NUP210: variants seen among roughly 807,000 people sequenced by gnomAD.
The protein encoded by NUP210 is nuclear pore membrane glycoprotein 210.
In NUP210, 151 loss-of-function variants were observed where a neutral mutation model predicts 196.0. The ratio of observed to expected loss-of-function variants is 0.77; its 90% confidence interval spans 0.67 to 0.88. The LOEUF (loss-of-function observed/expected upper bound fraction) is 0.88. Among genes scored for constraint, NUP210 ranks in the 40% least tolerant of loss-of-function variants. NUP210 has a pLI of 0.00. For missense variants in NUP210, 2,314 were observed against 2,493.7 expected (o/e 0.93, Z 1.53); for synonymous variants, 1,070 against 1,052.7 (o/e 1.02, Z -0.32).
At chr3:13,344,693 G>A (rs1472045359) in intron 20 of NUP210, among the ~76,000 whole-genome samples, 1 of 152,108 alleles carries the variant, frequency 6.6e-6, no homozygotes, top group East Asian at 1.9e-4. Context: ...GCCTGGTATG[G>A]CCTGGCTCCT....
Position 13,325,862 on chromosome 3 carries a change from A to T in NUP210, c.4577T>A (p.Val1526Glu). Residue 1526 changes from valine to glutamate, a missense_variant, in exon 33 of 40, where the codon GTG (valine) becomes GAG (glutamate). By Grantham distance (121) the Val-to-Glu change is moderately radical. Transcript: ENST00000254508. The part of the protein sequence containing the change: ...LHIDPKTGVA[V>E]ARAVGSVTVY... ...CGTCACGGATCCCACGGCCCGGGCC[A>T]CAGCCACACCCGTCTTGGGGTCGAT... The T allele has an allele frequency of 6.2e-7, 1 of 1,613,252 alleles. No homozygotes were observed. Among genetic ancestry groups the T allele is most frequent in the Non-Finnish European group, 8.5e-7 (1 of 1,179,964 alleles).
chr3:13,340,288 G>C lies in NUP210; in HGVS notation c.3239C>G (p.Pro1080Arg). 1 of 1,613,376 alleles carries C rather than the reference G, an allele frequency of 6.2e-7. No homozygotes were observed. Among genetic ancestry groups the C allele is most frequent in the South Asian group, 1.1e-5 (1 of 91,082 alleles). Residue 1080 changes from proline to arginine, a missense_variant, in exon 24 of 40, where the codon CCG (proline) becomes CGG (arginine). Transcript: ENST00000254508. This position sits in a 1 kb window ranked among gnomAD's most constrained non-coding sequence, Gnocchi z 4.0. ...SAPQQIEVFP[P>R]FRLMPRKVTL... ...CACCTTCCTGGGCATCAGCCTGAAC[G>C]GGGGAAAGACCTGTTGAGAGACACA... is the stretch of plus-strand genomic sequence containing the variant.
At position 13,366,771 on chromosome 3, in the gene NUP210, C is replaced by A. The variant is rs1168013379; in HGVS notation, c.1787-680G>T. Among the ~76,000 whole-genome samples, 5 of 151,592 alleles carry A rather than the reference C, an allele frequency of 3.3e-5. No homozygotes were observed. In the East Asian group the frequency reaches 9.9e-4, roughly 30 times the overall value. On this transcript the variant is annotated intron_variant, in intron 13 of 39. Coordinates refer to ENST00000254508, the MANE Select transcript of NUP210 (RefSeq NM_024923.4). ...TGACCTCATTATCCACCCCCCTCAGCCTCCCAAAGTGCTGGAATTACAGGC... is the reference window on the plus strand; with the variant it reads ...TGACCTCATTATCCACCCCCCTCAGACTCCCAAAGTGCTGGAATTACAGGC...
At chr3:13,373,462 C>A (rs1698797069) in intron 12 of NUP210, among the ~76,000 whole-genome samples, 1 of 152,186 alleles carries the variant, frequency 6.6e-6, no homozygotes. Flanking sequence ...TAGAATGGCT[C>A]TTAGATTATC....
Position 13,358,360 on chromosome 3 carries a change from G to A in NUP210, c.2190C>T (p.Leu730=), listed in dbSNP as rs781101493. 3 of 1,613,572 alleles carry A rather than the reference G, an allele frequency of 1.9e-6. No homozygotes were observed. In the Admixed American group the frequency reaches 5.0e-5, roughly 27 times the overall value. Residue 730 remains leucine (L), a synonymous_variant, in exon 16 of 40, where the codon CTC becomes CTT. Transcript: ENST00000254508. ...GCTCCACCGCAGGAAAGGGGTTGGT[G>A]AGGCTGGGCTTGTTCCCCACCGACA... ...IALSVGNKPS[L]TNPFPAVEPA...
At chr3:13,365,881 A>G in intron 14 of NUP210, 65 bp downstream of exon 14, 1 of 1,559,982 alleles carries the variant, frequency 6.4e-7, no homozygotes, top group South Asian at 1.1e-5. Flanking sequence ...GTCAGAGCAA[A>G]TGGGTAATTT....
Position 13,399,785 on chromosome 3 carries a change from C to T in NUP210, c.244G>A (p.Val82Met). The T allele has an allele frequency of 3.7e-6, 6 of 1,613,992 alleles. No individual in the cohort carries two copies. The South Asian group carries it at 4.4e-5, about 12-fold the overall frequency. ...GCAGGCTGGGTCAGGCGGGCCTGCACCACTGCCTTCTGGGAGCACTGCTGC... is the reference window on the plus strand; with the variant it reads ...GCAGGCTGGGTCAGGCGGGCCTGCATCACTGCCTTCTGGGAGCACTGCTGC... Reference protein sequence around the residue: ...DEQQCSQKAVVQARLTQPARL... With the variant: ...DEQQCSQKAVMQARLTQPARL... The change falls in exon 2 of 40, where the codon GTG becomes ATG. Residue 82 changes from valine to methionine, a missense_variant. Coordinates refer to ENST00000254508, the MANE Select transcript of NUP210 (RefSeq NM_024923.4).
chr3:13,336,272 G>C (rs1342190047), intron 27 of NUP210, among the ~76,000 whole-genome samples: 3 of 152,190 alleles, frequency 2.0e-5, no homozygotes, highest in Non-Finnish European at 4.4e-5. Flanking sequence ...TGGGCCTAGA[G>C]TCACAGGGGC....
rs571735898 is a variant in NUP210 at position 13,373,947 on chromosome 3, C to T, written c.1432-74G>A. The T allele has an allele frequency of 1.6e-5, 24 of 1,539,294 alleles. No individual in the cohort carries two copies. In the South Asian group the frequency reaches 1.9e-4, roughly 12 times the overall value. On this transcript the variant is annotated intron_variant, in intron 11 of 39. Transcript: ENST00000254508. ...TGGGGAAGTCAGAGGGTCAGAGACA[C>T]GTGCGTGTGCATGCACGTACTCACA...
intron 1 of NUP210, among the ~76,000 whole-genome samples, chr3:13,400,722 G>A (rs1161041623): frequency 1.3e-5 from 2 of 152,142 alleles, no homozygotes; most frequent in Non-Finnish European, 2.9e-5. Context: ...GGTGAAGCAG[G>A]GCCATGGAAA....
At chr3:13,414,613 G>A (rs1382291916) in intron 1 of NUP210, among the ~76,000 whole-genome samples, 1 of 151,992 alleles carries the variant, frequency 6.6e-6, no homozygotes, top group Non-Finnish European at 1.5e-5. Context: ...TCCCAGCCCT[G>A]CTGCCCTGGC....
In NUP210 at chr3:13,317,636, C is replaced by T. The variant is rs1051323478; in HGVS notation, c.*45G>A. ...GCAGGGATGTTCCATCTTGGGGGTG[C>T]ACGAGGCTCGGCTGAGACCCATCCT... On this transcript the variant is annotated 3_prime_UTR_variant, in exon 40 of 40. Transcript: ENST00000254508. The T allele has an allele frequency of 1.5e-5, 21 of 1,371,560 alleles. No homozygotes were observed. The highest frequency in any genetic ancestry group is 2.1e-5 in the Non-Finnish European group (21 of 981,278). The allele number at this position is 1,371,560 out of a possible 1,614,324, so 85.0% of individuals were successfully genotyped here. A position where few individuals can be genotyped will look rare whatever the true frequency, so the allele number is the denominator to read the frequency against.
At chr3:13,407,575 TCCTCCCTC>T (rs929513673) in intron 1 of NUP210, among the ~76,000 whole-genome samples, 140 of 152,074 alleles carry the variant, frequency 9.2e-4, no homozygotes, top group African/African-American at 3.1e-3. Flanking sequence ...TGCCTCCCAC[TCCTCCCTC>T]CCTCCCAGCT....
rs755874631 is a variant in NUP210, at chr3:13,342,006, T to C, written c.3082A>G (p.Ile1028Val). 1.2e-6 allele frequency: 2 copies of C among 1,614,192 alleles called. No individual in the cohort carries two copies. Among genetic ancestry groups the C allele is most frequent in the Non-Finnish European group, 1.7e-6 (2 of 1,180,020 alleles). The change falls in exon 22 of 40, where the codon ATT (isoleucine) becomes GTT (valine). Residue 1028 changes from isoleucine (I) to valine (V), a missense_variant. Coordinates refer to ENST00000254508, the MANE Select transcript of NUP210 (RefSeq NM_024923.4). ...DLKLRAASPI[I>V]TLVALDEALD... is the part of the protein sequence containing the mutation. ...CCTAGGAGAACTCACACCAATGTAA[T>C]GATCGGGGAGGCTGCTCGGAGCTTC... is the stretch of plus-strand genomic sequence containing the variant.
Position 13,397,443 on chromosome 3 carries a change from T to G in NUP210, c.350A>C (p.His117Pro). ...LRCDAIVDLI[H>P]DIQIVSTTRE... ...GGTGGTGGAGACGATCTGGATGTCA[T>G]GGATGAGGTCCACAATGGCATCACA... The change falls in exon 3 of 40, where the codon CAT (histidine) becomes CCT (proline). Residue 117 changes from histidine to proline, a missense_variant. His to Pro is a moderately conservative substitution (Grantham distance 77). Transcript: ENST00000254508. 1.2e-6 allele frequency: 2 copies of G among 1,612,928 alleles called. No homozygotes were observed. The highest frequency in any genetic ancestry group is 1.7e-6 in the Non-Finnish European group (2 of 1,179,526).
At chr3:13,337,440 C>A (rs1272795470) in intron 26 of NUP210, among the ~76,000 whole-genome samples, 1 of 152,218 alleles carries the variant, frequency 6.6e-6, no homozygotes, top group Non-Finnish European at 1.5e-5. Context: ...GCTGTGTGGC[C>A]CTGGGCACGG....
chr3:13,359,463 T>A (rs977597822), intron 15 of NUP210, among the ~76,000 whole-genome samples: 1 of 152,162 alleles, frequency 6.6e-6, no homozygotes, highest in Non-Finnish European at 1.5e-5. Flanking sequence ...AGGGCAGCTG[T>A]GGCATGGCTG....
chr3:13,367,049 C>T (rs956317049), intron 13 of NUP210, among the ~76,000 whole-genome samples: 8 of 151,944 alleles, frequency 5.3e-5, no homozygotes, highest in Non-Finnish European at 1.0e-4. Context: ...TCACTTGAAC[C>T]CAGGAGGCAG....
chr3:13,398,257 T>C (rs542159554), intron 2 of NUP210, among the ~76,000 whole-genome samples: 1 of 152,190 alleles, frequency 6.6e-6, no homozygotes, highest in East Asian at 1.9e-4. Flanking sequence ...CTGGCCAACA[T>C]GATGAAACCC....
Sources: allele counts gnomAD v4.1 joint callset (sites outside exome capture counted in the v4.1 genomes callset), GRCh38; gene constraint gnomAD v4.1.1; non-coding constraint Gnocchi (gnomAD v3.1); transcripts MANE v1.5; gene names NCBI Gene and HGNC (gene_info 2026-07-23, HGNC 2026-07-21).